Variants in SULF2 observed in about 807,000 individuals in gnomAD.
SULF2 encodes sulfatase 2.
In SULF2, 52 loss-of-function variants were observed where a neutral mutation model predicts 107.7. The observed-to-expected ratio is 0.48, with a 90% confidence interval of 0.39 to 0.61. SULF2 has a LOEUF of 0.61. Ranked by LOEUF, SULF2 falls within the 20% of genes least tolerant of loss-of-function variation. SULF2 has a pLI of 0.00. For missense variants in SULF2, 993 were observed against 1,177.3 expected, an observed-to-expected ratio of 0.84 and a Z score of 2.29; for synonymous variants, 460 against 464.3, an observed-to-expected ratio of 0.99 and a Z score of 0.12.
intron 3 of SULF2, among the ~76,000 whole-genome samples, chr20:47,730,679 A>G (rs1208479802): frequency 6.6e-6 from 1 of 152,020 alleles, no homozygotes; most frequent in Non-Finnish European, 1.5e-5. Flanking sequence ...CAAACTCCTG[A>G]CCTTGTGATC....
intron 1 of SULF2, among the ~76,000 whole-genome samples, chr20:47,785,132 C>G (rs1259714966): frequency 6.6e-6 from 1 of 151,920 alleles, no homozygotes. Context: ...CATCCCTCTG[C>G]GGACGGCCGG....
At chr20:47,716,517 A>C (rs2089127191) in intron 3 of SULF2, among the ~76,000 whole-genome samples, 2 of 152,210 alleles carry the variant, frequency 1.3e-5, no homozygotes, top group African/African-American at 2.4e-5. Flanking sequence ...GGAGAAAAAA[A>C]GATAAATAAC....
intron 3 of SULF2, among the ~76,000 whole-genome samples, chr20:47,713,011 A>G (rs6018654): frequency 0.47 from 71,399 of 151,832 alleles, 17,690 homozygotes; most frequent in African/African-American, 0.63. Flanking sequence ...ACTGCACTCC[A>G]GCCTGGGTAA....
chr20:47,681,534 G>A (rs1390967738), intron 7 of SULF2, among the ~76,000 whole-genome samples: 1 of 152,160 alleles, frequency 6.6e-6, no homozygotes, highest in Admixed American at 6.5e-5. Flanking sequence ...AGGCGTGGCA[G>A]ATGGGAATAG....
At position 47,694,285 on chromosome 20, in the gene SULF2, G is replaced by A. The variant is rs1602662918; in HGVS notation, c.568-3990C>T. On this transcript the variant is annotated intron_variant, in intron 4 of 20. Coordinates refer to ENST00000688720, the MANE Select transcript of SULF2 (RefSeq NM_001387048.1). The surrounding 1 kb of genome is among the most constrained non-coding windows in gnomAD (Gnocchi z 4.4). ...GGGGCAGCCAGGACAGCCACTGGGT[G>A]GATGTGGGGTGCGGGAGGGGCGGGT... Among the ~76,000 whole-genome samples, 2 of 152,336 alleles carry A rather than the reference G, an allele frequency of 1.3e-5. No homozygotes were observed. The highest frequency in any genetic ancestry group is 3.9e-4 in the East Asian group (2 of 5,172).
At chr20:47,743,964 G>T (rs1463081927) in intron 2 of SULF2, among the ~76,000 whole-genome samples, 1 of 152,182 alleles carries the variant, frequency 6.6e-6, no homozygotes, top group Non-Finnish European at 1.5e-5. Context: ...GGACTGTGCT[G>T]ATTAGAATCA....
At chr20:47,670,180 T>A (rs575217605) in intron 11 of SULF2, among the ~76,000 whole-genome samples, 1 of 152,266 alleles carries the variant, frequency 6.6e-6, no homozygotes, top group Non-Finnish European at 1.5e-5. Flanking sequence ...ATATCATCCG[T>A]CTTATAAAGA....
intron 2 of SULF2, among the ~76,000 whole-genome samples, chr20:47,745,393 AAAAAAAAAAAAAAAAAAATAT>A (rs1164152433): frequency 2.6e-3 from 44 of 16,770 alleles, no homozygotes; most frequent in African/African-American, 0.017. Context: ...AAAAAAAAAA[AAAAAAAAAAAAAAAAAAATAT>A]ATATATATAT....
rs781051527 is a variant in SULF2, at chr20:47,683,129, G to A, written c.929C>T (p.Thr310Met). Residue 310 changes from threonine to methionine, a missense_variant, in exon 7 of 21, where the codon ACG becomes ATG. By Grantham distance (81) the Thr-to-Met change is moderately conservative. Transcript: ENST00000688720. The part of the protein sequence containing the change: ...MLVETGELDN[T>M]YIVYTADHGY... ...GTGGTCGGCGGTGTATACGATGTAC[G>A]TGTTGTCCAGCTCGCCCGTCTCAAC... 1.2e-6 allele frequency: 2 copies of A among 1,611,768 alleles called. No individual in the cohort carries two copies. The highest frequency in any genetic ancestry group is 1.1e-5 in the South Asian group (1 of 90,998).
chr20:47,778,249 C>T (rs1390817377), intron 1 of SULF2, among the ~76,000 whole-genome samples: 1 of 152,244 alleles, frequency 6.6e-6, no homozygotes, highest in Non-Finnish European at 1.5e-5. Flanking sequence ...CTTCCCCTAA[C>T]ACATCTGGCT....
At chr20:47,785,516 G>A, upstream of SULF2, 1 of 144,686 alleles carries the variant, frequency 6.9e-6, no homozygotes, top group Non-Finnish European at 1.5e-5. Context: ...TCCTCCTCCT[G>A]CCTCCTCCCC....
chr20:47,735,853 TGGA>T (rs1333589590), intron 3 of SULF2, among the ~76,000 whole-genome samples: 1 of 152,162 alleles, frequency 6.6e-6, no homozygotes, highest in East Asian at 1.9e-4. Context: ...CGGACAGGGC[TGGA>T]GGAGGAGTCC....
chr20:47,661,645 G>T (rs150098006), intron 18 of SULF2, 128 bp downstream of exon 18: 2 of 1,022,868 alleles, frequency 2.0e-6, no homozygotes, highest in South Asian at 3.1e-5. Context: ...CCCATGACTC[G>T]TCTGGAACTG....
chr20:47,741,201 T>C (rs951793772), intron 2 of SULF2, among the ~76,000 whole-genome samples: 1 of 152,142 alleles, frequency 6.6e-6, no homozygotes, highest in African/African-American at 2.4e-5. Flanking sequence ...CAAATCTTTC[T>C]GGCCATCCAC....
chr20:47,731,182 C>CTTTTTTTTTT (rs1342480404), intron 3 of SULF2, among the ~76,000 whole-genome samples: 4 of 99,608 alleles, frequency 4.0e-5, no homozygotes, highest in African/African-American at 2.1e-4. Context: ...TCACCTGTAT[C>CTTTTTTTTTT]TTCTCTTTTT....
chr20:47,711,747 A>G (rs1214756127), intron 3 of SULF2, among the ~76,000 whole-genome samples: 1 of 152,250 alleles, frequency 6.6e-6, no homozygotes, highest in Non-Finnish European at 1.5e-5. Flanking sequence ...TGGAACCAGC[A>G]CACAAACACA....
chr20:47,710,390 C>G (rs2088888084), intron 3 of SULF2, among the ~76,000 whole-genome samples: 1 of 151,810 alleles, frequency 6.6e-6, no homozygotes, highest in Non-Finnish European at 1.5e-5. Flanking sequence ...TACACAAATA[C>G]TTCCCATTGT....
chr20:47,753,098 CAAAAAAAAAAAAA>C (rs10578438), intron 2 of SULF2, among the ~76,000 whole-genome samples: 13 of 90,686 alleles, frequency 1.4e-4, no homozygotes, highest in African/African-American at 5.5e-4. Context: ...GAGACTCTCT[CAAAAAAAAAAAAA>C]AAAAAAAAGA....
At chr20:47,671,483 A>C (rs749194804) in intron 11 of SULF2, among the ~76,000 whole-genome samples, 12 of 152,106 alleles carry the variant, frequency 7.9e-5, no homozygotes, top group African/African-American at 1.2e-4. Flanking sequence ...CATGTTGGCC[A>C]GGCTGGTCTT....
Sources: allele counts gnomAD v4.1 joint callset (sites outside exome capture counted in the v4.1 genomes callset), GRCh38; gene constraint gnomAD v4.1.1; non-coding constraint Gnocchi (gnomAD v3.1); transcripts MANE v1.5; gene names NCBI Gene and HGNC (gene_info 2026-07-23, HGNC 2026-07-21).